TULP4: variants seen among roughly 807,000 people sequenced by gnomAD.
TULP4 encodes the protein TUB like protein 4.
In TULP4, 16 loss-of-function variants were observed where a neutral mutation model predicts 129.0. The ratio of observed to expected loss-of-function variants is 0.12; its 90% CI spans 0.08 to 0.19. TULP4 has a LOEUF of 0.19. TULP4 is among the 10% of genes least tolerant of loss of function. The probability of loss-of-function intolerance (pLI) is 1.00; values close to 1 mark genes in which losing one functional copy is unlikely to be tolerated. For synonymous variants in TULP4, 998 were observed against 854.0 expected (o/e 1.17, Z -2.94); for missense variants, 1,842 against 2,059.1 (o/e 0.89, Z 2.04).
chr6:158,449,807 C>G (rs1373455824), intron 4 of TULP4, among the ~76,000 whole-genome samples: 1 of 152,072 alleles, frequency 6.6e-6, no homozygotes, highest in African/African-American at 2.4e-5. Context: ...CTAGCAGGTC[C>G]CCAGAATCAG....
chr6:158,490,702 A>G (rs899574770), intron 9 of TULP4, among the ~76,000 whole-genome samples: 1 of 152,074 alleles, frequency 6.6e-6, no homozygotes, highest in African/African-American at 2.4e-5. Context: ...CCTAGAAGTA[A>G]TCACTCTTCT....
chr6:158,368,773 A>G (rs1262760020), intron 1 of TULP4, among the ~76,000 whole-genome samples: 4 of 152,230 alleles, frequency 2.6e-5, no homozygotes, highest in East Asian at 1.9e-4. Flanking sequence ...ATATACACAC[A>G]TACTCTCTTT....
chr6:158,392,756 C>T (rs1777611992), intron 1 of TULP4, among the ~76,000 whole-genome samples: 1 of 148,772 alleles, frequency 6.7e-6, no homozygotes, highest in African/African-American at 2.5e-5. Context: ...CGCCACCTTC[C>T]TACACTGCCA....
intron 1 of TULP4, among the ~76,000 whole-genome samples, chr6:158,248,083 A>G (rs1439783259): frequency 6.6e-6 from 1 of 152,230 alleles, no homozygotes; most frequent in Non-Finnish European, 1.5e-5. Context: ...TACTGTTTAG[A>G]GTTGTTAAAT....
chr6:158,428,397 G>A (rs2115055412), intron 2 of TULP4: 1 of 152,248 alleles, frequency 6.6e-6, no homozygotes, highest in East Asian at 1.9e-4. Context: ...TGCAGATGCA[G>A]AAAATCTAAA....
At position 158,503,408 on chromosome 6, in the gene TULP4, A is replaced by G. The variant is rs771235865; in HGVS notation, c.3745A>G (p.Thr1249Ala). 2 of 1,613,950 alleles carry G rather than the reference A, an allele frequency of 1.2e-6. No homozygotes were observed. The highest frequency in any genetic ancestry group is 2.2e-5 in the South Asian group (2 of 91,074). The change falls in exon 13 of 14, where the codon ACG becomes GCG. Residue 1249 changes from threonine (T) to alanine (A), a missense_variant. This residue lies in a region of TULP4 where 1,089 missense variants were observed against 987.1 expected (regional missense o/e 1.10). Coordinates refer to ENST00000367097, the MANE Select transcript of TULP4 (RefSeq NM_020245.5). The surrounding 1 kb of genome is among the most constrained non-coding windows in gnomAD (Gnocchi z 4.3). Reference sequence around the variant, plus strand: ...GCCCCCCATGTACCCAGGAAGCAGCACGTGCTCTAGTTTACAGCTGCCACC... The same window carrying G: ...GCCCCCCATGTACCCAGGAAGCAGCGCGTGCTCTAGTTTACAGCTGCCACC... ...TLPPMYPGSS[T>A]CSSLQLPPVA...
chr6:158,461,226 A>T (rs1449275195), intron 5 of TULP4, among the ~76,000 whole-genome samples: 3 of 152,226 alleles, frequency 2.0e-5, no homozygotes, highest in Non-Finnish European at 4.4e-5. Flanking sequence ...AGCCTGACCA[A>T]CATGGAGAAA....
At position 158,474,973 on chromosome 6, in the gene TULP4, T is replaced by C. The variant is rs1779785227; in HGVS notation, c.1027-4778T>C. On this transcript the variant is annotated intron_variant, in intron 6 of 13. Transcript: ENST00000367097. ...GGCAGAGAATGTATTTGATTCATTG[T>C]CAGTCCCCTTATAACTAGCATGGAT... Among the ~76,000 whole-genome samples, 4 of 152,234 alleles carry C rather than the reference T, an allele frequency of 2.6e-5. No homozygotes were observed. In the South Asian group the frequency reaches 8.3e-4, roughly 32 times the overall value.
Position 158,493,801 on chromosome 6 carries a change from T to C in TULP4, c.1776+84T>C. 1 of 1,408,592 alleles carries C rather than the reference T, an allele frequency of 7.1e-7. No homozygotes were observed. Among genetic ancestry groups the C allele is most frequent in the South Asian group, 1.5e-5 (1 of 65,972 alleles). The allele number at this position is 1,408,592 out of a possible 1,614,324, so 87.3% of individuals were successfully genotyped here. On this transcript the variant is annotated intron_variant, in intron 10 of 13. Coordinates refer to ENST00000367097, the MANE Select transcript of TULP4 (RefSeq NM_020245.5). This position sits in a 1 kb window ranked among gnomAD's most constrained non-coding sequence, Gnocchi z 4.4. ...GCCCCTTCCTACCCGCCGCCTGCAC[T>C]GCTCACTGCCACCATGGGTCCCTGA...
At chr6:158,405,548 T>C (rs569696912) in intron 1 of TULP4, among the ~76,000 whole-genome samples, 25 of 152,226 alleles carry the variant, frequency 1.6e-4, no homozygotes, top group Admixed American at 7.9e-4. Flanking sequence ...CTTGAGATAA[T>C]GGAGAGCAGG....
chr6:158,505,059 C>T, intron 13 of TULP4, among the ~76,000 whole-genome samples: 1 of 152,152 alleles, frequency 6.6e-6, no homozygotes, highest in East Asian at 1.9e-4. Context: ...TATCAACTTC[C>T]TGTTATCTGT....
At chr6:158,269,400 A>T (rs966805257) in intron 1 of TULP4, among the ~76,000 whole-genome samples, 3 of 141,120 alleles carry the variant, frequency 2.1e-5, no homozygotes, top group African/African-American at 7.6e-5. Flanking sequence ...AAAAAAAAAA[A>T]GGATTTTCCT....
chr6:158,489,443 A>G (rs559611310), intron 8 of TULP4, 145 bp from the exon 9 acceptor site: 5 of 950,800 alleles, frequency 5.3e-6, no homozygotes, highest in Middle Eastern at 3.4e-4. Flanking sequence ...GAGAAAAACA[A>G]TGCCAAGCTT....
intron 6 of TULP4, among the ~76,000 whole-genome samples, chr6:158,462,899 G>A (rs4310081): frequency 0.011 from 1,648 of 151,978 alleles, 31 homozygotes; most frequent in African/African-American, 0.037. Flanking sequence ...ACAGGTGCCC[G>A]CCACCACGCC....
intron 1 of TULP4, among the ~76,000 whole-genome samples, chr6:158,275,009 T>C (rs1055328515): frequency 4.6e-5 from 7 of 152,252 alleles, no homozygotes; most frequent in Non-Finnish European, 8.8e-5. Context: ...GGCTAGAGTT[T>C]GATCAGTGTA....
rs570079074 is a variant in TULP4, at chr6:158,365,996, A to G, written c.253-47069A>G. Among the ~76,000 whole-genome samples, 1,276 of 133,746 alleles carry G rather than the reference A, an allele frequency of 9.5e-3. 10 individuals carry two copies. The highest frequency in any genetic ancestry group is 0.012 in the East Asian group (51 of 4,306). The allele number at this position is 133,746 out of a possible 152,430, so 87.7% of individuals were successfully genotyped here. ...CGGCTCACTGCAAGCTGCACCTCCC[A>G]GGTTCATGCCATTCTCCTGCCTCAG... On this transcript the variant is annotated intron_variant, in intron 1 of 13. Transcript: ENST00000367097.
chr6:158,331,991 G>C (rs1779906786), intron 1 of TULP4, among the ~76,000 whole-genome samples: 1 of 148,036 alleles, frequency 6.8e-6, no homozygotes, highest in South Asian at 2.1e-4. Flanking sequence ...GGCCAACATG[G>C]TGAAACCCCA....
At chr6:158,363,964 T>G (rs939077893) in intron 1 of TULP4, among the ~76,000 whole-genome samples, 27 of 152,176 alleles carry the variant, frequency 1.8e-4, no homozygotes, top group African/African-American at 6.3e-4. Context: ...AATTATGAAT[T>G]ATTTATCAAC....
At chr6:158,260,230 C>G (rs1042973737) in intron 1 of TULP4, among the ~76,000 whole-genome samples, 1 of 152,184 alleles carries the variant, frequency 6.6e-6, no homozygotes, top group African/African-American at 2.4e-5. Flanking sequence ...AAAAGACACT[C>G]CTGTCACCCA....
Sources: gnomAD v4.1 joint callset for allele counts (sites outside exome capture counted in the v4.1 genomes callset) on GRCh38, gnomAD v4.1.1 for gene constraint, gnomAD v4.1.1 regional missense constraint, Gnocchi (gnomAD v3.1) non-coding constraint, MANE v1.5 for transcripts, NCBI Gene and HGNC (gene_info 2026-07-23, HGNC 2026-07-21) for gene names.